Variants in TTC29 observed in about 807,000 individuals in gnomAD.
The protein encoded by TTC29 is tetratricopeptide repeat protein 29.
TTC29 carries 49 observed loss-of-function variants against 58.1 expected under a neutral mutation model. The ratio of observed to expected loss-of-function variants is 0.84; its 90% CI spans 0.67 to 1.07. TTC29 has a LOEUF of 1.07. TTC29 is among the 50% of genes least tolerant of loss of function. The pLI is 0.00. For synonymous variants in TTC29, 209 were observed against 196.8 expected, an observed-to-expected ratio of 1.06 and a Z score of -0.52; for missense variants, 582 against 555.6, an observed-to-expected ratio of 1.05 and a Z score of -0.48.
chr4:146,765,369 A>G (rs1020794872), intron 11 of TTC29, among the ~76,000 whole-genome samples: 1 of 152,114 alleles, frequency 6.6e-6, no homozygotes, highest in Non-Finnish European at 1.5e-5. Flanking sequence ...ACCAAAAACC[A>G]TAAGGTAACA....
At chr4:146,717,457 T>C (rs1416861571) in intron 11 of TTC29, among the ~76,000 whole-genome samples, 2 of 152,110 alleles carry the variant, frequency 1.3e-5, no homozygotes, top group Non-Finnish European at 2.9e-5. Flanking sequence ...TTTGTATTTT[T>C]AGTAGACATG....
chr4:146,836,560 AG>A (rs1728522585), intron 8 of TTC29, among the ~76,000 whole-genome samples: 1 of 152,088 alleles, frequency 6.6e-6, no homozygotes, highest in Admixed American at 6.6e-5. Context: ...AGAGAGTAGG[AG>A]GGTCTTCATT....
At chr4:146,833,711 A>G (rs1728318505) in intron 9 of TTC29, 95 bp downstream of exon 9, 1 of 917,746 alleles carries the variant, frequency 1.1e-6, no homozygotes, top group Middle Eastern at 2.1e-4. Flanking sequence ...AAATTTAAGC[A>G]GGCAGTAATG....
intron 10 of TTC29, among the ~76,000 whole-genome samples, chr4:146,816,531 TG>T (rs1393820766): frequency 1.3e-5 from 2 of 150,106 alleles, no homozygotes; most frequent in African/African-American, 4.9e-5. Context: ...GTGGTGGAGA[TG>T]GGGGAGAGGG....
chr4:146,920,311 C>G (rs1161464750), intron 4 of TTC29, among the ~76,000 whole-genome samples: 1 of 150,954 alleles, frequency 6.6e-6, no homozygotes, highest in Admixed American at 6.6e-5. Context: ...CCTATAGGTT[C>G]GTCATATATA....
chr4:146,943,737 C>A (rs1475056367), intron 2 of TTC29, among the ~76,000 whole-genome samples: 3 of 152,198 alleles, frequency 2.0e-5, no homozygotes, highest in Non-Finnish European at 4.4e-5. Flanking sequence ...TAATTGCCAT[C>A]TTTTATGCCT....
intron 8 of TTC29, among the ~76,000 whole-genome samples, chr4:146,865,350 G>A (rs946107548): frequency 6.6e-6 from 1 of 152,162 alleles, no homozygotes; most frequent in Non-Finnish European, 1.5e-5. Flanking sequence ...GAAGATGTTT[G>A]AATCCATTAT....
intron 11 of TTC29, among the ~76,000 whole-genome samples, chr4:146,713,935 T>C (rs1460232337): frequency 6.6e-6 from 1 of 152,148 alleles, no homozygotes; most frequent in African/African-American, 2.4e-5. Context: ...TTAAGATAAA[T>C]AGTGTGTTAA....
chr4:146,793,290 A>C (rs539061525), intron 11 of TTC29, among the ~76,000 whole-genome samples: 21 of 152,268 alleles, frequency 1.4e-4, no homozygotes, highest in African/African-American at 4.8e-4. Flanking sequence ...GACAAACTGC[A>C]TTATTGTCCT....
chr4:146,799,807 T>G (rs977680691), intron 11 of TTC29, among the ~76,000 whole-genome samples: 4 of 152,234 alleles, frequency 2.6e-5, no homozygotes, highest in Admixed American at 6.5e-5. Flanking sequence ...ATTTCTAGGT[T>G]GACACTGCTA....
intron 11 of TTC29, among the ~76,000 whole-genome samples, chr4:146,709,143 GATT>G (rs1377402700): frequency 6.6e-6 from 1 of 152,066 alleles, no homozygotes; most frequent in East Asian, 1.9e-4. Flanking sequence ...AAAGGTAGAA[GATT>G]ATTCCACCTT....
intron 11 of TTC29, among the ~76,000 whole-genome samples, chr4:146,720,276 G>A (rs1453747163): frequency 6.6e-6 from 1 of 151,996 alleles, no homozygotes; most frequent in Non-Finnish European, 1.5e-5. Context: ...TATGTAATAC[G>A]ACTTTAGACG....
chr4:146,941,212 A>G (rs1736360338), intron 2 of TTC29, among the ~76,000 whole-genome samples: 1 of 152,138 alleles, frequency 6.6e-6, no homozygotes. Context: ...TCCTGATCCC[A>G]CCCCGTCTAT....
chr4:146,837,749 G>A (rs770890838), intron 8 of TTC29, among the ~76,000 whole-genome samples: 5 of 151,998 alleles, frequency 3.3e-5, no homozygotes, highest in Non-Finnish European at 7.4e-5. Flanking sequence ...CCAGGATCAG[G>A]ATGGTTAAAA....
chr4:146,751,117 G>C (rs1473882345), intron 11 of TTC29, among the ~76,000 whole-genome samples: 1 of 152,164 alleles, frequency 6.6e-6, no homozygotes. Context: ...AAGATACAAA[G>C]ATGGTCACTA....
At chr4:146,829,274 C>G (rs1221597167) in intron 9 of TTC29, among the ~76,000 whole-genome samples, 1 of 152,222 alleles carries the variant, frequency 6.6e-6, no homozygotes, top group Admixed American at 6.5e-5. Context: ...CCCTTGACAA[C>G]TGTCCAATTA....
chr4:146,927,468 C>G (rs777151743), intron 4 of TTC29, among the ~76,000 whole-genome samples: 1 of 152,134 alleles, frequency 6.6e-6, no homozygotes, highest in Non-Finnish European at 1.5e-5. Flanking sequence ...TGTCTACACT[C>G]TCTTTCCATT....
chr4:146,824,484 G>C (rs1727626059), intron 9 of TTC29, among the ~76,000 whole-genome samples: 1 of 152,156 alleles, frequency 6.6e-6, no homozygotes. Context: ...TTTTTAATGT[G>C]CTGCTGGAAT....
chr4:146,855,264 C>T (rs994526314), intron 8 of TTC29, among the ~76,000 whole-genome samples: 2 of 152,088 alleles, frequency 1.3e-5, no homozygotes, highest in Non-Finnish European at 2.9e-5. Context: ...AAAACCCCAT[C>T]TCTACTAAAA....
Sources: allele counts gnomAD v4.1 joint callset (sites outside exome capture counted in the v4.1 genomes callset), GRCh38; gene constraint gnomAD v4.1.1; transcripts MANE v1.5; gene names NCBI Gene and HGNC (gene_info 2026-07-23, HGNC 2026-07-21).